Variants in UNC13C observed in about 807,000 individuals in gnomAD.
UNC13C encodes the protein protein unc-13 homolog C.
A neutral mutation model predicts 245.4 loss-of-function variants in UNC13C; 174 were observed. That is an observed-to-expected ratio of 0.71 (90% confidence interval 0.63 to 0.80). UNC13C has a LOEUF of 0.80. UNC13C is among the 30% of genes least tolerant of loss of function. UNC13C has a pLI of 0.00. For synonymous variants in UNC13C, 992 were observed against 895.1 expected, an observed-to-expected ratio of 1.11 and a Z score of -1.93; for missense variants, 2,829 against 2,602.9, an observed-to-expected ratio of 1.09 and a Z score of -1.89.
intron 30 of UNC13C, among the ~76,000 whole-genome samples, chr15:54,574,096 T>A (rs949291326): frequency 2.6e-5 from 4 of 152,226 alleles, no homozygotes; most frequent in East Asian, 1.9e-4. Flanking sequence ...TAATTTTTTT[T>A]AAAACAAAAT....
chr15:54,223,266 C>G (rs1048659047), intron 4 of UNC13C, among the ~76,000 whole-genome samples: 36 of 151,910 alleles, frequency 2.4e-4, no homozygotes, highest in Non-Finnish European at 8.8e-5. Context: ...ATTTGATTTT[C>G]GTATACGGTG....
intron 30 of UNC13C, among the ~76,000 whole-genome samples, chr15:54,583,777 C>T (rs1207178718): frequency 6.6e-6 from 1 of 152,174 alleles, no homozygotes; most frequent in Non-Finnish European, 1.5e-5. Context: ...GTTTGTAATG[C>T]GGCCCATTTG....
At chr15:54,241,715 C>T (rs2035856009) in intron 7 of UNC13C, among the ~76,000 whole-genome samples, 1 of 152,172 alleles carries the variant, frequency 6.6e-6, no homozygotes, top group Admixed American at 6.5e-5. Flanking sequence ...CCCATTCCCC[C>T]TTTTCTCTTT....
chr15:54,229,475 C>T lies in UNC13C; in HGVS notation c.3072-5555C>T, dbSNP rs182557623. Among the ~76,000 whole-genome samples, 28 of 152,180 alleles carry T rather than the reference C, an allele frequency of 1.8e-4. 1 individual carries two copies. The highest frequency in any genetic ancestry group is 6.3e-4 in the African/African-American group (26 of 41,520). On this transcript the variant is annotated intron_variant, in intron 4 of 32. Transcript: ENST00000260323. ...CTGACAGTCTTTTTATTTTTAATCACCTTACCATTTGTTTATTATTATTTT... is the reference window on the plus strand; with the variant it reads ...CTGACAGTCTTTTTATTTTTAATCATCTTACCATTTGTTTATTATTATTTT...
At chr15:54,523,314 G>C (rs1191504682) in intron 24 of UNC13C, among the ~76,000 whole-genome samples, 2 of 152,194 alleles carry the variant, frequency 1.3e-5, no homozygotes, top group Admixed American at 1.3e-4. Flanking sequence ...ACTGGCCTCA[G>C]AATTGCTTTG....
At chr15:54,348,370 A>G (rs754928843) in intron 17 of UNC13C, among the ~76,000 whole-genome samples, 14 of 152,274 alleles carry the variant, frequency 9.2e-5, no homozygotes, top group Middle Eastern at 3.4e-3. Context: ...GCATTAAAAT[A>G]CCTTTTGTCT....
At chr15:53,963,678 T>G in the UNC13C span, among the ~76,000 whole-genome samples, 3 of 152,080 alleles carry the variant, frequency 2.0e-5, no homozygotes, top group Non-Finnish European at 2.9e-5. Flanking sequence ...AAGAGTGGAT[T>G]TGGGAAGGCT....
Position 54,307,485 on chromosome 15 carries a change from C to G in UNC13C, c.4268+7112C>G, listed in dbSNP as rs531264527. ...TGAGTTTTTCATGAACACAACTGTT[C>G]AGACCACAGCACAAGGCAATGGGGA... On this transcript the variant is annotated intron_variant, in intron 13 of 32. Transcript: ENST00000260323. Among the ~76,000 whole-genome samples the G allele has an allele frequency of 8.5e-5, 13 of 152,052 alleles. No individual in the cohort carries two copies. The South Asian group carries it at 2.7e-3, about 32-fold the overall frequency.
At chr15:54,155,335 G>A (rs938741679) in intron 4 of UNC13C, among the ~76,000 whole-genome samples, 2 of 152,094 alleles carry the variant, frequency 1.3e-5, no homozygotes, top group African/African-American at 4.8e-5. Flanking sequence ...AGCATGCAAG[G>A]CCATTTGAAT....
At chr15:54,393,449 A>T (rs2040005732) in intron 18 of UNC13C, among the ~76,000 whole-genome samples, 1 of 151,780 alleles carries the variant, frequency 6.6e-6, no homozygotes, top group Non-Finnish European at 1.5e-5. Flanking sequence ...TTTCCTCCAC[A>T]TCCTTTCATA....
intron 16 of UNC13C, among the ~76,000 whole-genome samples, chr15:54,338,070 G>T (rs868157362): frequency 5.3e-5 from 8 of 152,206 alleles, no homozygotes; most frequent in Middle Eastern, 3.4e-3. Context: ...TGGCATATAG[G>T]AAGTGATGAA....
intron 1 of UNC13C, among the ~76,000 whole-genome samples, chr15:53,999,332 G>A (rs1242087282): frequency 6.6e-6 from 1 of 151,666 alleles, no homozygotes; most frequent in Non-Finnish European, 1.5e-5. Flanking sequence ...TATACATAGA[G>A]AAAAATTCTT....
At chr15:54,495,749 A>G (rs1010427546) in intron 20 of UNC13C, among the ~76,000 whole-genome samples, 13 of 152,184 alleles carry the variant, frequency 8.5e-5, no homozygotes, top group Non-Finnish European at 1.5e-4. Flanking sequence ...TACCACATTC[A>G]TCAGGCATTG....
chr15:54,270,590 A>G (rs965529907), intron 10 of UNC13C, among the ~76,000 whole-genome samples: 4 of 152,142 alleles, frequency 2.6e-5, no homozygotes, highest in Non-Finnish European at 5.9e-5. Context: ...ACTAAATATG[A>G]CAGTAATAGT....
intron 30 of UNC13C, among the ~76,000 whole-genome samples, chr15:54,599,770 A>C (rs532198814): frequency 1.3e-5 from 2 of 152,048 alleles, no homozygotes; most frequent in Non-Finnish European, 2.9e-5. Context: ...TGTGAAGCCT[A>C]TTATGTTTCT....
intron 13 of UNC13C, among the ~76,000 whole-genome samples, chr15:54,307,085 C>T (rs1421186069): frequency 6.6e-6 from 1 of 151,916 alleles, no homozygotes; most frequent in Non-Finnish European, 1.5e-5. Flanking sequence ...TTAATTTATT[C>T]AATAGATTTT....
intron 2 of UNC13C, among the ~76,000 whole-genome samples, chr15:54,109,930 A>AG (rs1350694500): frequency 6.6e-6 from 1 of 152,108 alleles, no homozygotes; most frequent in African/African-American, 2.4e-5. Context: ...GCAAGGAAGA[A>AG]GAGGCCTATT....
chr15:54,473,082 C>G (rs887453035), intron 19 of UNC13C, among the ~76,000 whole-genome samples: 6 of 151,716 alleles, frequency 4.0e-5, no homozygotes, highest in Middle Eastern at 3.2e-3. Flanking sequence ...GTACCTAATG[C>G]TCAGCTCCCA....
At chr15:54,401,728 A>T (rs963659966) in intron 18 of UNC13C, among the ~76,000 whole-genome samples, 1 of 152,064 alleles carries the variant, frequency 6.6e-6, no homozygotes, top group African/African-American at 2.4e-5. Context: ...GATGATCCCC[A>T]TCTGTGGTCG....
Sources: allele counts gnomAD v4.1 joint callset (sites outside exome capture counted in the v4.1 genomes callset), GRCh38; gene constraint gnomAD v4.1.1; transcripts MANE v1.5; gene names NCBI Gene and HGNC (gene_info 2026-07-23, HGNC 2026-07-21).